The following NDRG1 variants were observed in gnomAD, a reference collection of about 807,000 sequenced individuals.
The protein encoded by NDRG1 is N-myc downstream regulated 1, also known as protein NDRG1.
A neutral mutation model predicts 56.9 loss-of-function variants in NDRG1; 32 were observed. The ratio of observed to expected loss-of-function variants is 0.56; its 90% CI spans 0.42 to 0.76. The LOEUF is 0.76. NDRG1 is among the 30% of genes least tolerant of loss of function. NDRG1 has a pLI of 0.00. For synonymous variants in NDRG1, 211 were observed against 204.1 expected (o/e 1.03, Z -0.29); for missense variants, 507 against 545.7 (o/e 0.93, Z 0.71).
chr8:133,270,666 G>C (rs767767409), intron 3 of NDRG1, among the ~76,000 whole-genome samples: 1 of 152,190 alleles, frequency 6.6e-6, no homozygotes, highest in Non-Finnish European at 1.5e-5. Flanking sequence ...GACCAAAGCC[G>C]CATGCTCAGG....
intron 1 of NDRG1, chr8:133,284,914 C>T (rs1041708252): frequency 2.2e-6 from 1 of 450,480 alleles, no homozygotes; most frequent in Non-Finnish European, 4.5e-6. Flanking sequence ...GGAAGAGGGG[C>T]AGAGGAAAAC....
intron 3 of NDRG1, among the ~76,000 whole-genome samples, chr8:133,266,748 T>C (rs773440294): frequency 6.6e-5 from 10 of 152,198 alleles, no homozygotes; most frequent in African/African-American, 1.9e-4. Flanking sequence ...CAGGTCCCCT[T>C]TGTCCCCGCA....
At position 133,272,482 on chromosome 8, in the gene NDRG1, C is replaced by T. The variant is rs183299519; in HGVS notation, c.99+7750G>A. 1.9e-3 allele frequency among the ~76,000 whole-genome samples: 283 copies of T among 152,316 alleles called. 4 individuals carry two copies. Among genetic ancestry groups the T allele is most frequent in the Admixed American group, 0.017 (261 of 15,302 alleles). ...GAGGTCAAGCGAGTGGCCAAGGACA[C>T]GCGAGTAGCAAATGACAGGGCTGGG... On this transcript the variant is annotated intron_variant, in intron 3 of 15. Transcript: ENST00000323851.
intron 7 of NDRG1, 145 bp downstream of exon 7, chr8:133,258,221 T>A: frequency 1.3e-6 from 1 of 779,190 alleles, no homozygotes; most frequent in Non-Finnish European, 2.2e-6. Context: ...CGAGTACCCA[T>A]GCACCACACA....
rs746976999 is a variant in NDRG1, at chr8:133,247,889, C to T, written c.793G>A (p.Ala265Thr). ...ALLVVGDSSPAVDAVVECNSK... is the reference protein window; with the variant it reads ...ALLVVGDSSPTVDAVVECNSK... ...TTTCTACATACCACGGCATCCACTG[C>T]AGGCGAGCTGTCCCCAACCACCAAC... is the stretch of plus-strand genomic sequence containing the variant. Residue 265 changes from alanine to threonine, a missense_variant, in exon 12 of 16, where the codon GCA (alanine) becomes ACA (threonine). Physicochemically the swap from Ala to Thr is moderately conservative, Grantham distance 58. Transcript: ENST00000323851. 2 of 1,614,088 alleles carry T rather than the reference C, an allele frequency of 1.2e-6. No individual in the cohort carries two copies. Among genetic ancestry groups the T allele is most frequent in the Non-Finnish European group, 1.7e-6 (2 of 1,180,014 alleles).
intron 3 of NDRG1, among the ~76,000 whole-genome samples, chr8:133,267,999 C>A (rs982157562): frequency 6.6e-6 from 1 of 152,154 alleles, no homozygotes; most frequent in African/African-American, 2.4e-5. Context: ...GAGTGGGTAG[C>A]AGATTTTTGA....
At chr8:133,246,725 C>G (rs1855703786) in intron 12 of NDRG1, 62 bp from the exon 13 acceptor site, 1 of 1,439,212 alleles carries the variant, frequency 6.9e-7, no homozygotes, top group Admixed American at 1.7e-5. Context: ...AACATCTCCC[C>G]CTTCTCCGCC....
intron 6 of NDRG1, 93 bp downstream of exon 6, chr8:133,259,075 T>C: frequency 1.5e-6 from 2 of 1,336,906 alleles, no homozygotes; most frequent in Non-Finnish European, 2.2e-6. Context: ...ACCTTAATTT[T>C]AGTGGTCAGT....
intron 1 of NDRG1, among the ~76,000 whole-genome samples, chr8:133,290,019 C>T (rs71526279): frequency 0.036 from 5,500 of 152,244 alleles, 163 homozygotes; most frequent in African/African-American, 0.069. Context: ...ACAAAAGGGC[C>T]ACAGGGTCTT....
intron 2 of NDRG1, chr8:133,280,885 T>G (rs1193610719): frequency 3.3e-5 from 5 of 153,006 alleles, no homozygotes; most frequent in African/African-American, 9.6e-5. Context: ...TATCTGACTA[T>G]TAACTGGTCT....
At chr8:133,285,937 G>A (rs1858089162) in intron 1 of NDRG1, among the ~76,000 whole-genome samples, 1 of 152,152 alleles carries the variant, frequency 6.6e-6, no homozygotes. Context: ...ATGGCCTAGG[G>A]AGCCTTCCAG....
chr8:133,247,953 T>C, intron 11 of NDRG1, 27 bp from the exon 12 acceptor site: 1 of 1,611,958 alleles, frequency 6.2e-7, no homozygotes, highest in South Asian at 1.1e-5. Flanking sequence ...AGCAGAGAAT[T>C]AGCACAAGGT....
chr8:133,275,184 C>T (rs978677341), intron 3 of NDRG1, among the ~76,000 whole-genome samples: 2 of 152,248 alleles, frequency 1.3e-5, no homozygotes, highest in Non-Finnish European at 2.9e-5. Context: ...AGCAACCCTA[C>T]ACCCAAGATT....
At chr8:133,245,471 T>C (rs2130680940) in intron 13 of NDRG1, among the ~76,000 whole-genome samples, 1 of 152,254 alleles carries the variant, frequency 6.6e-6, no homozygotes, top group South Asian at 2.1e-4. Flanking sequence ...GCTGATGTTA[T>C]TAAAAGAAGA....
intron 2 of NDRG1, among the ~76,000 whole-genome samples, chr8:133,282,503 G>C (rs1241543976): frequency 6.6e-6 from 1 of 152,112 alleles, no homozygotes; most frequent in South Asian, 2.1e-4. Context: ...ATTTTCACAG[G>C]GTTTTTTAAA....
intron 3 of NDRG1, among the ~76,000 whole-genome samples, chr8:133,272,178 G>T (rs965540892): frequency 6.6e-6 from 1 of 152,220 alleles, no homozygotes; most frequent in African/African-American, 2.4e-5. Context: ...GAGGGTCAGG[G>T]AACAGGCTGC....
intron 14 of NDRG1, among the ~76,000 whole-genome samples, chr8:133,243,536 GAC>G (rs1405751867): frequency 1.3e-5 from 2 of 152,182 alleles, no homozygotes; most frequent in Non-Finnish European, 2.9e-5. Context: ...ACGGCATGAG[GAC>G]GACAGTGTCA....
At chr8:133,258,811 A>T (rs1402574194) in intron 6 of NDRG1, among the ~76,000 whole-genome samples, 1 of 152,246 alleles carries the variant, frequency 6.6e-6, no homozygotes, top group Non-Finnish European at 1.5e-5. Context: ...AGAGAGGAAC[A>T]CTGGAAAAAT....
chr8:133,244,539 A>G, intron 13 of NDRG1, 149 bp from the exon 14 acceptor site: 1 of 884,880 alleles, frequency 1.1e-6, no homozygotes, highest in Admixed American at 2.0e-5. Flanking sequence ...GACCGTGGGT[A>G]GGGAACACTC....
Sources: allele counts gnomAD v4.1 joint callset (sites outside exome capture counted in the v4.1 genomes callset), GRCh38; gene constraint gnomAD v4.1.1; transcripts MANE v1.5; gene names NCBI Gene and HGNC (gene_info 2026-07-23, HGNC 2026-07-21).